The following DNAH5 variants were observed in gnomAD, a reference collection of about 807,000 sequenced individuals.
DNAH5 encodes dynein axonemal heavy chain 5.
A neutral mutation model predicts 518.2 loss-of-function variants in DNAH5; 372 were observed. The ratio of observed to expected loss-of-function variants is 0.72; its 90% confidence interval spans 0.66 to 0.78. DNAH5 has a LOEUF of 0.78. Among genes scored for constraint, DNAH5 ranks in the 30% least tolerant of loss-of-function variants. The pLI is 0.00. For synonymous variants in DNAH5, 2,039 were observed against 2,025.9 expected (o/e 1.01, Z -0.17); for missense variants, 5,523 against 5,687.0 (o/e 0.97, Z 0.93).
At chr5:13,864,040 A>G (rs930135176) in intron 28 of DNAH5, among the ~76,000 whole-genome samples, 5 of 152,200 alleles carry the variant, frequency 3.3e-5, no homozygotes, top group African/African-American at 1.2e-4. Context: ...AGTCCTACGC[A>G]TGCATCCTAG....
At chr5:13,989,221 T>G (rs10035925) in intron 1 of DNAH5, among the ~76,000 whole-genome samples, 45,359 of 151,950 alleles carry the variant, frequency 0.3, 7,169 homozygotes, top group East Asian at 0.65. Flanking sequence ...TTTCTAATGA[T>G]TCATGTGAGG....
In DNAH5 at chr5:13,836,279, G is replaced by T. The variant is rs534840394; in HGVS notation, c.5882+3077C>A. Among the ~76,000 whole-genome samples, 309 of 152,336 alleles carry T rather than the reference G, an allele frequency of 2.0e-3. 5 individuals are homozygous for T. The highest frequency in any genetic ancestry group is 7.1e-3 in the African/African-American group (295 of 41,568). ...ACATGTCACATAGGCAAATAGGTAT[G>T]TGTGTCTGGAGTTTGGGAGAGAAGC... On this transcript the variant is annotated intron_variant, in intron 35 of 78. Coordinates refer to ENST00000265104, the MANE Select transcript of DNAH5 (RefSeq NM_001369.3).
intron 63 of DNAH5, 118 bp from the exon 64 acceptor site, chr5:13,752,407 G>A: frequency 8.0e-7 from 1 of 1,252,850 alleles, no homozygotes; most frequent in Non-Finnish European, 1.2e-6. Flanking sequence ...TACAAATTGA[G>A]CATCCAAAAT....
At chr5:13,798,480 T>C (rs1758179165) in intron 47 of DNAH5, among the ~76,000 whole-genome samples, 1 of 152,166 alleles carries the variant, frequency 6.6e-6, no homozygotes, top group Non-Finnish European at 1.5e-5. Flanking sequence ...TAATGCATGA[T>C]TTTAAATCAT....
At chr5:13,809,378 G>C (rs979213448) in intron 45 of DNAH5, among the ~76,000 whole-genome samples, 192 bp from the exon 46 acceptor site, 207 of 152,180 alleles carry the variant, frequency 1.4e-3, no homozygotes, top group African/African-American at 4.6e-3. Context: ...ACAATTTCAA[G>C]GTGGTAAACC....
At chr5:13,998,285 G>A (rs1424888703) in intron 1 of DNAH5, among the ~76,000 whole-genome samples, 2 of 152,150 alleles carry the variant, frequency 1.3e-5, no homozygotes, top group Non-Finnish European at 2.9e-5. Flanking sequence ...GGGACTAACA[G>A]ACTTCCTTAA....
intron 72 of DNAH5, 45 bp from the exon 73 acceptor site, chr5:13,717,565 C>G: frequency 7.0e-7 from 1 of 1,432,278 alleles, no homozygotes; most frequent in South Asian, 1.2e-5. Flanking sequence ...TCTCAAATGT[C>G]TTTATTTTCT....
chr5:13,846,260 T>C (rs1353113991), intron 31 of DNAH5, among the ~76,000 whole-genome samples: 3 of 152,090 alleles, frequency 2.0e-5, no homozygotes, highest in African/African-American at 7.2e-5. Flanking sequence ...ACCTGATAGG[T>C]AGTTTTCCAA....
intron 43 of DNAH5, 93 bp downstream of exon 43, chr5:13,814,512 C>A: frequency 7.9e-7 from 1 of 1,268,602 alleles, no homozygotes; most frequent in Non-Finnish European, 1.1e-6. Flanking sequence ...TGCAGTTACA[C>A]TGCCATCTGC....
At chr5:13,820,920 A>G (rs993625035) in intron 40 of DNAH5, among the ~76,000 whole-genome samples, 1 of 151,930 alleles carries the variant, frequency 6.6e-6, no homozygotes, top group Non-Finnish European at 1.5e-5. Flanking sequence ...AGGAGGATTT[A>G]CTGTTTAATG....
intron 1 of DNAH5, among the ~76,000 whole-genome samples, chr5:13,940,183 C>T (rs1039293880): frequency 2.0e-5 from 3 of 152,126 alleles, no homozygotes; most frequent in African/African-American, 7.2e-5. Context: ...GCCTCACCTC[C>T]CCCGACATTC....
At chr5:13,874,954 G>A (rs1205886269) in intron 22 of DNAH5, among the ~76,000 whole-genome samples, 1 of 152,170 alleles carries the variant, frequency 6.6e-6, no homozygotes, top group Non-Finnish European at 1.5e-5. Flanking sequence ...GACTTTCTGT[G>A]GTTGAGGCAG....
rs754045691 is a variant in DNAH5 at position 13,865,864 on chromosome 5, C to T, written c.4159G>A (p.Gly1387Arg). 1.2e-6 allele frequency: 2 copies of T among 1,612,540 alleles called. No individual in the cohort carries two copies. The highest frequency in any genetic ancestry group is 2.2e-5 in the East Asian group (1 of 44,868). ...NIYRKYITYT[G>R]GEELFGLPAT... ...GGCAGGCCAAAAAGCTCCTCTCCTC[C>T]AGTATATGTGATGTATTTCCGATAG... Residue 1387 changes from glycine to arginine, a missense_variant, in exon 27 of 79, where the codon GGA (glycine) becomes AGA (arginine). Physicochemically the swap from Gly to Arg is moderately radical, Grantham distance 125. This residue lies in a region of DNAH5 where 5,121 missense variants were observed against 5,223.3 expected (regional missense o/e 0.98). Transcript: ENST00000265104.
In DNAH5 at chr5:13,793,657, G is replaced by A. The variant is rs750126677; in HGVS notation, c.8082C>T (p.Phe2694=). The A allele has an allele frequency of 2.3e-5, 37 of 1,614,036 alleles. No individual in the cohort carries two copies. Among genetic ancestry groups the A allele is most frequent in the Admixed American group, 6.7e-5 (4 of 60,002 alleles). The change falls in exon 49 of 79, where the codon TTC becomes TTT. Residue 2694 remains phenylalanine, a synonymous_variant. Coordinates refer to ENST00000265104, the MANE Select transcript of DNAH5 (RefSeq NM_001369.3). ...AAAACTGGATGTCCACGATGCTGGT[G>A]AACTCCCCAGGCTTCTCTAGATTAT... The part of the protein sequence containing the change: ...GFYNLEKPGE[F]TSIVDIQFLA...
intron 35 of DNAH5, among the ~76,000 whole-genome samples, chr5:13,835,362 C>CT (rs1376888656): frequency 6.6e-6 from 1 of 151,984 alleles, no homozygotes; most frequent in Admixed American, 6.5e-5. Flanking sequence ...AGGTTTGTTT[C>CT]TTTTAATAAA....
chr5:13,949,524 C>G (rs936220369), upstream of DNAH5, among the ~76,000 whole-genome samples: 3 of 152,114 alleles, frequency 2.0e-5, no homozygotes, highest in Non-Finnish European at 4.4e-5. Flanking sequence ...AAAAGATGCA[C>G]AAGTTTCCTG....
At chr5:14,004,516 A>G (rs1344453001) in intron 1 of DNAH5, among the ~76,000 whole-genome samples, 1 of 152,202 alleles carries the variant, frequency 6.6e-6, no homozygotes, top group Admixed American at 6.5e-5. Flanking sequence ...GCATTGCAAA[A>G]GTTATCAATA....
At chr5:13,887,381 C>G (rs1450263383) in intron 17 of DNAH5, among the ~76,000 whole-genome samples, 1 of 152,136 alleles carries the variant, frequency 6.6e-6, no homozygotes, top group Non-Finnish European at 1.5e-5. Flanking sequence ...ATTAACAAAG[C>G]AGAATATAAA....
intron 1 of DNAH5, among the ~76,000 whole-genome samples, chr5:13,957,989 T>C (rs550990222): frequency 1.2e-3 from 180 of 151,968 alleles, no homozygotes; most frequent in African/African-American, 4.3e-3. Flanking sequence ...TATATATACC[T>C]TTATTTTTAG....
Sources: allele counts gnomAD v4.1 joint callset (sites outside exome capture counted in the v4.1 genomes callset), GRCh38; gene constraint gnomAD v4.1.1; regional missense constraint gnomAD v4.1.1; transcripts MANE v1.5; gene names NCBI Gene and HGNC (gene_info 2026-07-23, HGNC 2026-07-21).